Variants in NR2C2 observed in about 807,000 individuals in gnomAD.
The protein encoded by NR2C2 is Nuclear hormone receptor TR4.
Under a neutral mutation model 62.9 loss-of-function variants are expected in NR2C2, and 6 were observed. That is an observed-to-expected ratio of 0.10 (90% CI 0.05 to 0.19). NR2C2 has a LOEUF of 0.19. NR2C2 is among the 10% of genes least tolerant of loss of function. The probability of loss-of-function intolerance (pLI) is 1.00; values close to 1 mark genes in which losing one functional copy is unlikely to be tolerated. For missense variants in NR2C2, 479 were observed against 762.7 expected (o/e 0.63, Z 4.38); for synonymous variants, 272 against 273.8 (o/e 0.99, Z 0.07).
At chr3:15,027,032 A>G (rs1383109999) in intron 7 of NR2C2, 1 of 152,222 alleles carries the variant, frequency 6.6e-6, no homozygotes, top group African/African-American at 2.4e-5. Context: ...ACACCCAGCT[A>G]ATTTTTGTAT....
rs2042462367 is a variant in NR2C2, at chr3:15,046,637, G to A, written c.*3629G>A. On this transcript the variant is annotated 3_prime_UTR_variant, in exon 14 of 14. Coordinates refer to ENST00000425241, the MANE Select transcript of NR2C2 (RefSeq NM_001291694.2). ...TGATCTCATTGGAGTCCAGAAGCTT[G>A]TTGCCCACTTTCCAGTGTAAATGAC... 6.6e-6 allele frequency: 1 copy of A among 152,270 alleles called. No individual in the cohort carries two copies. Among genetic ancestry groups the A allele is most frequent in the South Asian group, 2.1e-4 (1 of 4,834 alleles). The allele number at this position is 152,270 out of a possible 1,614,324, so 9.4% of individuals were successfully genotyped here. A position where few individuals can be genotyped will look rare whatever the true frequency, so the allele number is the denominator to read the frequency against.
At chr3:15,018,195 C>T (rs756413396) in intron 4 of NR2C2, among the ~76,000 whole-genome samples, 21 of 152,238 alleles carry the variant, frequency 1.4e-4, no homozygotes, top group African/African-American at 4.1e-4. Flanking sequence ...GACTGGGTTT[C>T]ACCATATTGG....
intron 2 of NR2C2, among the ~76,000 whole-genome samples, chr3:15,005,519 CT>C (rs574293033): frequency 0.021 from 2,345 of 114,096 alleles, 59 homozygotes; most frequent in Admixed American, 0.061. Context: ...GCGTGGCCAA[CT>C]TTTTTTTTTT....
chr3:15,010,326 G>A (rs1463162700), intron 2 of NR2C2, among the ~76,000 whole-genome samples: 5 of 151,090 alleles, frequency 3.3e-5, no homozygotes, highest in Non-Finnish European at 7.4e-5. Flanking sequence ...CTAAATGGAG[G>A]ATACGGATGT....
At chr3:15,010,439 C>G (rs1230614588) in intron 2 of NR2C2, among the ~76,000 whole-genome samples, 1 of 151,828 alleles carries the variant, frequency 6.6e-6, no homozygotes, top group Non-Finnish European at 1.5e-5. Flanking sequence ...AATAATCTAG[C>G]CAGGTGCATT....
At chr3:14,957,003 A>G (rs1403420712) in intron 1 of NR2C2, among the ~76,000 whole-genome samples, 5 of 152,244 alleles carry the variant, frequency 3.3e-5, no homozygotes, top group Non-Finnish European at 5.9e-5. Flanking sequence ...CACCAATGAT[A>G]GCTACCATGT....
chr3:15,024,613 C>A (rs1169707377), intron 7 of NR2C2, among the ~76,000 whole-genome samples: 1 of 152,220 alleles, frequency 6.6e-6, no homozygotes, highest in Non-Finnish European at 1.5e-5. Context: ...AGCCAGGAAT[C>A]TATCAGTTCC....
chr3:15,032,273 C>T (rs1575033458), intron 9 of NR2C2, 106 bp from the exon 10 acceptor site: 6 of 1,498,480 alleles, frequency 4.0e-6, no homozygotes, highest in East Asian at 4.5e-5. Context: ...CAGACAGCAA[C>T]TCTAGATGCC....
intron 7 of NR2C2, among the ~76,000 whole-genome samples, chr3:15,027,946 C>T (rs2041869368): frequency 6.6e-6 from 1 of 152,032 alleles, no homozygotes; most frequent in South Asian, 2.1e-4. Flanking sequence ...GCAACCTCTG[C>T]CTCCTGGGTT....
At chr3:14,984,563 CTTTT>C (rs1260028268) in intron 1 of NR2C2, among the ~76,000 whole-genome samples, 2 of 152,134 alleles carry the variant, frequency 1.3e-5, no homozygotes, top group African/African-American at 2.4e-5. Context: ...CATGTGTCCA[CTTTT>C]TTTGTCTTGC....
chr3:15,011,917 T>TCTG (rs2041365779), intron 2 of NR2C2, among the ~76,000 whole-genome samples: 1 of 152,218 alleles, frequency 6.6e-6, no homozygotes, highest in African/African-American at 2.4e-5. Context: ...CTCTGTTTAT[T>TCTG]CTGCTTTTTG....
intron 11 of NR2C2, among the ~76,000 whole-genome samples, chr3:15,036,346 C>G (rs2042102810): frequency 6.6e-6 from 1 of 152,090 alleles, no homozygotes; most frequent in South Asian, 2.1e-4. Flanking sequence ...TTCAAAACAC[C>G]AGCAGTGTCA....
At position 15,046,027 on chromosome 3, in the gene NR2C2, T is replaced by C. The variant is rs1319113635; in HGVS notation, c.*3019T>C. Reference sequence around the variant, plus strand: ...TAGCATAAAACAGGACAGGAAGAGATTTTTTGAAAGACCAAATTAGTTGAG... The same window carrying C: ...TAGCATAAAACAGGACAGGAAGAGACTTTTTGAAAGACCAAATTAGTTGAG... On this transcript the variant is annotated 3_prime_UTR_variant, in exon 14 of 14. Coordinates refer to ENST00000425241, the MANE Select transcript of NR2C2 (RefSeq NM_001291694.2). 1 of 152,152 alleles carries C rather than the reference T, an allele frequency of 6.6e-6. No individual in the cohort carries two copies. Among genetic ancestry groups the C allele is most frequent in the East Asian group, 1.9e-4 (1 of 5,196 alleles). The allele number at this position is 152,152 out of a possible 1,614,324, so 9.4% of individuals were successfully genotyped here.
intron 12 of NR2C2, 68 bp downstream of exon 12, chr3:15,038,205 A>T: frequency 6.8e-7 from 1 of 1,480,782 alleles, no homozygotes; most frequent in Non-Finnish European, 9.1e-7. Flanking sequence ...GAACGTGAAC[A>T]TGTTGTCATC....
Position 15,012,266 on chromosome 3 carries a change from G to T in NR2C2, c.73-1323G>T, listed in dbSNP as rs555228098. Among the ~76,000 whole-genome samples the T allele has an allele frequency of 2.1e-4, 31 of 150,750 alleles. No individual in the cohort carries two copies. The South Asian group carries it at 6.1e-3, about 30-fold the overall frequency. ...TTGGAGACGGAGTTTCCCTTTTGTC[G>T]CTCAGGCTGGAGTGCAGTGGCGCAA... is the stretch of plus-strand genomic sequence containing the variant. On this transcript the variant is annotated intron_variant, in intron 2 of 13. Coordinates refer to ENST00000425241, the MANE Select transcript of NR2C2 (RefSeq NM_001291694.2).
chr3:15,038,187 A>G, intron 12 of NR2C2, 50 bp downstream of exon 12: 1 of 1,543,608 alleles, frequency 6.5e-7, no homozygotes. Flanking sequence ...GTATCTACTG[A>G]TGTTTCTGAA....
chr3:14,947,808 C>T lies in NR2C2; in HGVS notation c.-138C>T, dbSNP rs1291817982. 3 of 149,386 alleles carry T rather than the reference C, an allele frequency of 2.0e-5. No individual in the cohort carries two copies. Among genetic ancestry groups the T allele is most frequent in the African/African-American group, 7.3e-5 (3 of 40,994 alleles). 9.3% of individuals were successfully genotyped at this position (149,386 alleles called of 1,614,324 possible). A position where few individuals can be genotyped will look rare whatever the true frequency, so the allele number is the denominator to read the frequency against. On this transcript the variant is annotated 5_prime_UTR_variant, in exon 1 of 14. Transcript: ENST00000425241. ...CCCGGGCTCCCGCCATCCGCCGACACCGGGAGCCCGGGCTCCCCGCGCCCT... is the reference window on the plus strand; with the variant it reads ...CCCGGGCTCCCGCCATCCGCCGACATCGGGAGCCCGGGCTCCCCGCGCCCT...
intron 1 of NR2C2, among the ~76,000 whole-genome samples, chr3:14,997,244 G>A (rs1211447230): frequency 6.6e-6 from 1 of 151,244 alleles, no homozygotes; most frequent in Non-Finnish European, 1.5e-5. Flanking sequence ...AGGGGCAATA[G>A]GCCATACCAC....
chr3:14,995,531 A>G (rs1049547492), intron 1 of NR2C2, among the ~76,000 whole-genome samples: 1 of 152,202 alleles, frequency 6.6e-6, no homozygotes, highest in African/African-American at 2.4e-5. Context: ...ATTATTGCCA[A>G]ATAATATGCC....
Sources: allele counts gnomAD v4.1 joint callset (sites outside exome capture counted in the v4.1 genomes callset), GRCh38; gene constraint gnomAD v4.1.1; transcripts MANE v1.5; gene names NCBI Gene and HGNC (gene_info 2026-07-23, HGNC 2026-07-21).